Variants in IGSF21 observed in about 807,000 individuals in gnomAD.
The protein encoded by IGSF21 is immunoglobulin superfamily member 21.
In IGSF21, 28 loss-of-function variants were observed where a neutral mutation model predicts 46.8. That is an observed-to-expected ratio of 0.60 (90% CI 0.44 to 0.82). The LOEUF (loss-of-function observed/expected upper bound fraction) is 0.82. IGSF21 is among the 40% of genes least tolerant of loss of function. The pLI is 0.00. For missense variants in IGSF21, 624 were observed against 665.5 expected (o/e 0.94, Z 0.69); for synonymous variants, 284 against 273.6 (o/e 1.04, Z -0.38).
intron 4 of IGSF21, chr1:18,361,237 T>C (rs1321705637): frequency 6.6e-6 from 1 of 152,208 alleles, no homozygotes; most frequent in Non-Finnish European, 1.5e-5. Flanking sequence ...ACTGAAAACC[T>C]TCAGTGGCTC....
intron 2 of IGSF21, among the ~76,000 whole-genome samples, chr1:18,282,643 C>CACAT (rs2124557281): frequency 6.6e-6 from 1 of 151,250 alleles, no homozygotes; most frequent in South Asian, 2.1e-4. Flanking sequence ...CATACACACA[C>CACAT]ACACACACAC....
intron 2 of IGSF21, among the ~76,000 whole-genome samples, chr1:18,275,690 A>G (rs910207102): frequency 6.6e-6 from 1 of 152,184 alleles, no homozygotes; most frequent in African/African-American, 2.4e-5. Flanking sequence ...CCAACCCCTT[A>G]GATTCCTGGA....
intron 4 of IGSF21, among the ~76,000 whole-genome samples, chr1:18,352,957 G>C (rs867301064): frequency 2.0e-5 from 3 of 151,980 alleles, no homozygotes; most frequent in Admixed American, 6.6e-5. Flanking sequence ...TGGACCCCGG[G>C]CCCCCCACCC....
intron 4 of IGSF21, among the ~76,000 whole-genome samples, chr1:18,346,366 T>C (rs773031351): frequency 2.0e-5 from 3 of 152,066 alleles, no homozygotes; most frequent in Non-Finnish European, 4.4e-5. Context: ...TTTTACCCTA[T>C]GGGCTGTCTC....
intron 1 of IGSF21, among the ~76,000 whole-genome samples, chr1:18,139,165 A>G (rs1321725169): frequency 1.3e-5 from 2 of 152,236 alleles, no homozygotes; most frequent in Non-Finnish European, 2.9e-5. Flanking sequence ...TTTGTGGTAT[A>G]TATAACCAAA....
chr1:18,208,843 G>C (rs957880774), intron 1 of IGSF21, among the ~76,000 whole-genome samples: 1 of 152,050 alleles, frequency 6.6e-6, no homozygotes, highest in Non-Finnish European at 1.5e-5. Flanking sequence ...TTTTTTGAAA[G>C]CACAAACTCC....
chr1:18,287,680 G>A (rs2085228515), intron 2 of IGSF21, among the ~76,000 whole-genome samples: 1 of 152,246 alleles, frequency 6.6e-6, no homozygotes, highest in African/African-American at 2.4e-5. Flanking sequence ...GAGCCTCTCA[G>A]AGCCCATGAG....
intron 6 of IGSF21, among the ~76,000 whole-genome samples, chr1:18,375,311 G>A (rs1183817466): frequency 1.3e-5 from 2 of 152,224 alleles, no homozygotes; most frequent in Non-Finnish European, 2.9e-5. Flanking sequence ...GTGAGTGAGT[G>A]AGTGAATGAA....
chr1:18,375,657 A>G (rs1235478752), intron 6 of IGSF21, among the ~76,000 whole-genome samples: 1 of 152,198 alleles, frequency 6.6e-6, no homozygotes, highest in Non-Finnish European at 1.5e-5. Context: ...ACCCCTACCC[A>G]GAGGTTCTAG....
intron 4 of IGSF21, among the ~76,000 whole-genome samples, chr1:18,351,286 C>A (rs1456680356): frequency 1.4e-5 from 2 of 140,038 alleles, no homozygotes; most frequent in African/African-American, 5.1e-5. Flanking sequence ...GACAGCCACC[C>A]GTGCCATCTT....
intron 3 of IGSF21, among the ~76,000 whole-genome samples, chr1:18,327,387 C>CA (rs1242758009): frequency 6.6e-6 from 1 of 152,152 alleles, no homozygotes; most frequent in African/African-American, 2.4e-5. Context: ...CCAGCCGTGC[C>CA]ATGTCCTCAT....
Position 18,334,804 on chromosome 1 carries a change from C to A in IGSF21, c.306-88C>A. 2.2e-6 allele frequency: 2 copies of A among 917,734 alleles called. No homozygotes were observed. Among genetic ancestry groups the A allele is most frequent in the Non-Finnish European group, 3.6e-6 (2 of 558,104 alleles). 56.8% of individuals were successfully genotyped at this position (917,734 alleles called of 1,614,324 possible). ...CCTGTGTTTGTTAGTGGAGGCTGCA[C>A]CAGTGGGCATCAGGATGAGTTTCCT... On this transcript the variant is annotated intron_variant, in intron 3 of 9. Transcript: ENST00000251296. This position sits in a 1 kb window ranked among gnomAD's most constrained non-coding sequence, Gnocchi z 4.3.
chr1:18,188,408 A>T (rs4920451), intron 1 of IGSF21, among the ~76,000 whole-genome samples: 36,854 of 152,106 alleles, frequency 0.24, 5,630 homozygotes, highest in South Asian at 0.37. Flanking sequence ...CCAGTAAAAT[A>T]TGGCCTTTGA....
intron 1 of IGSF21, among the ~76,000 whole-genome samples, chr1:18,118,044 G>A (rs907911788): frequency 2.0e-5 from 3 of 152,214 alleles, no homozygotes; most frequent in Admixed American, 6.5e-5. Context: ...TGGGGACCTT[G>A]GCAGCACTTC....
chr1:18,280,448 C>T (rs1185312341), intron 2 of IGSF21, among the ~76,000 whole-genome samples: 1 of 152,082 alleles, frequency 6.6e-6, no homozygotes, highest in East Asian at 1.9e-4. Context: ...TCTCCATTTC[C>T]CTCCAATAAA....
chr1:18,322,045 T>C lies in IGSF21; in HGVS notation c.306-12847T>C, dbSNP rs223219. ...TCAACTACAGCATGTTACAGCTGGG[T>C]GGTTCTGGCCCATGGGAAGGTCTAG... On this transcript the variant is annotated intron_variant, in intron 3 of 9. Transcript: ENST00000251296. This position sits in a 1 kb window ranked among gnomAD's most constrained non-coding sequence, Gnocchi z 4.3. Among the ~76,000 whole-genome samples, 78,287 of 152,060 alleles carry C rather than the reference T, an allele frequency of 0.51. 20,910 individuals carry two copies. The highest frequency in any genetic ancestry group is 0.65 in the African/African-American group (26,766 of 41,478).
intron 4 of IGSF21, among the ~76,000 whole-genome samples, chr1:18,359,462 GGGAA>G (rs200525577): frequency 0.13 from 9,766 of 74,416 alleles, 639 homozygotes; most frequent in Admixed American, 0.17. Context: ...AAGAAAGAAA[GGGAA>G]GGAAGGAAGG....
At chr1:18,115,316 C>A in intron 1 of IGSF21, 1 of 152,496 alleles carries the variant, frequency 6.6e-6, no homozygotes, top group East Asian at 1.9e-4. Flanking sequence ...ATGTTGGCAG[C>A]AGTACTTTTG....
At chr1:18,372,061 C>A (rs2124637567) in intron 6 of IGSF21, among the ~76,000 whole-genome samples, 1 of 152,292 alleles carries the variant, frequency 6.6e-6, no homozygotes, top group East Asian at 1.9e-4. Context: ...CTGGTGTAAC[C>A]ACCACCTCAA....
Sources: gnomAD v4.1 joint callset for allele counts (sites outside exome capture counted in the v4.1 genomes callset) on GRCh38, gnomAD v4.1.1 for gene constraint, Gnocchi (gnomAD v3.1) non-coding constraint, MANE v1.5 for transcripts, NCBI Gene and HGNC (gene_info 2026-07-23, HGNC 2026-07-21) for gene names.